The following PDE4B variants were observed in gnomAD, a reference collection of about 807,000 sequenced individuals.
The protein encoded by PDE4B is 3',5'-cyclic-AMP phosphodiesterase 4B.
PDE4B carries 20 observed loss-of-function variants against 82.2 expected under a neutral mutation model. The ratio of observed to expected loss-of-function variants is 0.24; its 90% confidence interval spans 0.17 to 0.35. PDE4B has a LOEUF of 0.35. Ranked by LOEUF, PDE4B falls within the 10% of genes least tolerant of loss-of-function variation. The probability of loss-of-function intolerance (pLI) is 1.00; values close to 1 mark genes in which losing one functional copy is unlikely to be tolerated. For synonymous variants in PDE4B, 320 were observed against 318.9 expected (o/e 1.00, Z -0.04); for missense variants, 655 against 907.2 (o/e 0.72, Z 3.57).
At position 66,199,282 on chromosome 1, in the gene PDE4B, G is replaced by A. The variant is rs1315114889; in HGVS notation, c.282-48178G>A. On this transcript the variant is annotated intron_variant, in intron 3 of 16. Transcript: ENST00000341517. ...TCCTCTCCAGCACCTGTTGTTTCCT[G>A]ACTTTTTAATGATCGCCATTCTAAC... 4.0e-5 allele frequency among the ~76,000 whole-genome samples: 6 copies of A among 151,674 alleles called. No individual in the cohort carries two copies. In the East Asian group the frequency reaches 1.2e-3, roughly 29 times the overall value.
At chr1:66,093,449 G>C (rs1030301503) in intron 3 of PDE4B, among the ~76,000 whole-genome samples, 56 of 152,060 alleles carry the variant, frequency 3.7e-4, no homozygotes, top group Non-Finnish European at 1.9e-4. Flanking sequence ...TAAAATCTAG[G>C]ACTTTCTTGA....
intron 3 of PDE4B, among the ~76,000 whole-genome samples, chr1:66,163,246 AG>A (rs1256229257): frequency 2.0e-5 from 3 of 152,200 alleles, no homozygotes; most frequent in Non-Finnish European, 4.4e-5. Context: ...AGGATTGCAC[AG>A]GGGGCAATAC....
At chr1:65,990,701 G>A (rs534704970) in intron 3 of PDE4B, among the ~76,000 whole-genome samples, 2 of 151,976 alleles carry the variant, frequency 1.3e-5, no homozygotes, top group Admixed American at 6.5e-5. Context: ...ATTCCATTGG[G>A]AATCAAAAAA....
At chr1:66,268,075 A>G (rs1434468925) in intron 7 of PDE4B, among the ~76,000 whole-genome samples, 1 of 152,212 alleles carries the variant, frequency 6.6e-6, no homozygotes, top group Non-Finnish European at 1.5e-5. Context: ...ATTTCAATTG[A>G]AATCTAAGAT....
intron 3 of PDE4B, among the ~76,000 whole-genome samples, chr1:65,942,617 A>G (rs1648505608): frequency 2.0e-5 from 3 of 151,566 alleles, no homozygotes; most frequent in African/African-American, 7.3e-5. Flanking sequence ...GTTTTCCACA[A>G]TGGCTGAACT....
At chr1:66,310,420 A>G (rs1658585217) in intron 7 of PDE4B, among the ~76,000 whole-genome samples, 1 of 152,274 alleles carries the variant, frequency 6.6e-6, no homozygotes, top group East Asian at 1.9e-4. Flanking sequence ...GAGGATTGTT[A>G]TCTGCTTTAG....
At chr1:66,018,288 CG>C (rs1652893370) in intron 3 of PDE4B, among the ~76,000 whole-genome samples, 2 of 152,020 alleles carry the variant, frequency 1.3e-5, no homozygotes, top group South Asian at 4.2e-4. Context: ...ATGGTGGTGG[CG>C]GGCGCCTGTA....
intron 3 of PDE4B, among the ~76,000 whole-genome samples, chr1:66,101,733 C>A (rs1334929390): frequency 1.3e-5 from 2 of 152,156 alleles, no homozygotes; most frequent in East Asian, 3.9e-4. Context: ...TGGATATTAG[C>A]CCTTTGTCAG....
chr1:66,266,849 TA>T (rs1222866211), intron 7 of PDE4B: 2 of 341,200 alleles, frequency 5.9e-6, no homozygotes, highest in Admixed American at 4.2e-5. Flanking sequence ...CCTACTAATG[TA>T]GCAGTAGATT....
At chr1:65,924,241 AT>A (rs1220405807) in intron 3 of PDE4B, among the ~76,000 whole-genome samples, 11 of 144,072 alleles carry the variant, frequency 7.6e-5, no homozygotes, top group African/African-American at 2.8e-4. Flanking sequence ...CGCCCGGCTA[AT>A]TTTTTGTATT....
chr1:65,945,824 T>C (rs965240145), intron 3 of PDE4B, among the ~76,000 whole-genome samples: 2 of 151,978 alleles, frequency 1.3e-5, no homozygotes, highest in African/African-American at 4.8e-5. Flanking sequence ...AAATGTACAA[T>C]AGAACAATCC....
At chr1:65,855,295 A>C (rs868838811) in intron 1 of PDE4B, among the ~76,000 whole-genome samples, 1 of 152,070 alleles carries the variant, frequency 6.6e-6, no homozygotes, top group African/African-American at 2.4e-5. Flanking sequence ...TGAATGTTAC[A>C]TTGTTGAGTA....
intron 3 of PDE4B, among the ~76,000 whole-genome samples, chr1:66,021,913 T>A (rs1161282158): frequency 2.6e-5 from 4 of 152,226 alleles, no homozygotes; most frequent in Non-Finnish European, 5.9e-5. Flanking sequence ...AATATGGCTA[T>A]TTTCACAGTA....
At chr1:65,856,493 C>T (rs1646394364) in intron 1 of PDE4B, among the ~76,000 whole-genome samples, 1 of 152,104 alleles carries the variant, frequency 6.6e-6, no homozygotes, top group African/African-American at 2.4e-5. Flanking sequence ...CATCCATGTC[C>T]CTTCAAAGGA....
At chr1:66,168,759 G>C (rs1646784269) in intron 3 of PDE4B, among the ~76,000 whole-genome samples, 1 of 152,174 alleles carries the variant, frequency 6.6e-6, no homozygotes. Context: ...ATAAACTGTA[G>C]CAGGACAAGG....
rs1557766190 is a variant in PDE4B, at chr1:65,825,740, A to ATCTATCTATCTATCTATCTATCTG, written c.-71+32511_-71+32512insATCTGTCTATCTATCTATCTATCT. On this transcript the variant is annotated intron_variant, in intron 1 of 16. Coordinates refer to ENST00000341517, the MANE Select transcript of PDE4B (RefSeq NM_002600.4). ...TATCTATCTATCTATCTATCTATCT[A>ATCTATCTATCTATCTATCTATCTG]TCTATCTATCTATCTATCTCAACAT... Among the ~76,000 whole-genome samples, 247 of 151,810 alleles carry ATCTATCTATCTATCTATCTATCTG rather than the reference A, an allele frequency of 1.6e-3. 1 individual carries two copies. Among genetic ancestry groups the ATCTATCTATCTATCTATCTATCTG allele is most frequent in the African/African-American group, 5.7e-3 (234 of 41,382 alleles).
At chr1:65,930,185 G>A (rs1479844533) in intron 3 of PDE4B, among the ~76,000 whole-genome samples, 3 of 152,146 alleles carry the variant, frequency 2.0e-5, no homozygotes, top group Admixed American at 1.3e-4. Context: ...TCCTTTTCAC[G>A]TTTTTCTGCC....
chr1:66,052,258 A>G (rs945239574), intron 3 of PDE4B, among the ~76,000 whole-genome samples: 9 of 152,194 alleles, frequency 5.9e-5, no homozygotes, highest in Non-Finnish European at 1.3e-4. Context: ...CAGTTTTCAC[A>G]TGTATGCATA....
At chr1:66,195,275 C>T (rs573837498) in intron 3 of PDE4B, among the ~76,000 whole-genome samples, 90 of 152,232 alleles carry the variant, frequency 5.9e-4, no homozygotes, top group African/African-American at 1.8e-3. Flanking sequence ...TCCAGAGCTT[C>T]CATGACCTTG....
Sources: allele counts gnomAD v4.1 joint callset (sites outside exome capture counted in the v4.1 genomes callset), GRCh38; gene constraint gnomAD v4.1.1; transcripts MANE v1.5; gene names NCBI Gene and HGNC (gene_info 2026-07-23, HGNC 2026-07-21).